GDAP1L1: variants seen among roughly 807,000 people sequenced by gnomAD.
The protein encoded by GDAP1L1 is ganglioside-induced differentiation-associated protein 1-like 1.
In GDAP1L1, 21 loss-of-function variants were observed where a neutral mutation model predicts 37.1. The observed-to-expected ratio is 0.57, with a 90% confidence interval of 0.40 to 0.81. GDAP1L1 has a LOEUF of 0.81. Ranked by LOEUF, GDAP1L1 falls within the 40% of genes least tolerant of loss-of-function variation. The pLI is 0.00. For missense variants in GDAP1L1, 362 were observed against 491.6 expected (o/e 0.74, Z 2.49); for synonymous variants, 193 against 209.1 (o/e 0.92, Z 0.67).
intron 1 of GDAP1L1, among the ~76,000 whole-genome samples, chr20:44,253,773 C>T (rs942330790): frequency 6.6e-6 from 1 of 152,228 alleles, no homozygotes; most frequent in Non-Finnish European, 1.5e-5. Flanking sequence ...ATGGCTCTGG[C>T]CTGTAGCTCA....
intron 3 of GDAP1L1, among the ~76,000 whole-genome samples, chr20:44,260,769 G>A (rs1196703642): frequency 6.6e-6 from 1 of 152,188 alleles, no homozygotes; most frequent in Admixed American, 6.5e-5. Context: ...TGTGGTGCAA[G>A]TGTAGCCCAA....
intron 5 of GDAP1L1, among the ~76,000 whole-genome samples, chr20:44,266,575 T>A (rs1266801107): frequency 6.6e-6 from 1 of 151,986 alleles, no homozygotes; most frequent in African/African-American, 2.4e-5. Flanking sequence ...AGAAACCTAT[T>A]GTCACACAGA....
At chr20:44,276,412 AAAAGAAAGAAAGAAAGAAAG>A (rs59432514) in intron 5 of GDAP1L1, among the ~76,000 whole-genome samples, 253 of 113,374 alleles carry the variant, frequency 2.2e-3, no homozygotes, top group African/African-American at 8.5e-3. Flanking sequence ...AGAAAAAAGA[AAAAGAAAGAAAGAAAGAAAG>A]AAAGAAAGAA....
chr20:44,272,569 T>C (rs1218715858), intron 5 of GDAP1L1, among the ~76,000 whole-genome samples: 4 of 152,066 alleles, frequency 2.6e-5, no homozygotes, highest in African/African-American at 9.7e-5. Context: ...CATTGTGAGA[T>C]CGCCTCCAGC....
chr20:44,273,296 C>T (rs1280096014), intron 5 of GDAP1L1, among the ~76,000 whole-genome samples: 1 of 152,216 alleles, frequency 6.6e-6, no homozygotes, highest in Non-Finnish European at 1.5e-5. Flanking sequence ...CGCCTCCTAT[C>T]TCTTGGGCTG....
intron 2 of GDAP1L1, chr20:44,258,198 T>C (rs1460788379): frequency 2.8e-6 from 2 of 717,950 alleles, no homozygotes; most frequent in Non-Finnish European, 5.2e-6. Flanking sequence ...GGACCCCGCC[T>C]GGCAGCAAGT....
chr20:44,264,434 C>A lies in GDAP1L1; in HGVS notation c.646-11C>A. 1.3e-6 allele frequency: 2 copies of A among 1,485,036 alleles called. No homozygotes were observed. The highest frequency in any genetic ancestry group is 2.9e-5 in the South Asian group (2 of 69,454). The allele number at this position is 1,485,036 out of a possible 1,614,324, so 92.0% of individuals were successfully genotyped here. A position where few individuals can be genotyped will look rare whatever the true frequency, so the allele number is the denominator to read the frequency against. On this transcript the variant is annotated splice_polypyrimidine_tract_variant and intron_variant, in intron 4 of 5. Coordinates refer to ENST00000342560, the MANE Select transcript of GDAP1L1 (RefSeq NM_024034.6). ...CCAACTCAGCTTCTCTTGGCCCTGT[C>A]CTGCCCCCAGGCCAAGATCTTGGAG...
chr20:44,257,374 A>C, intron 2 of GDAP1L1, 29 bp downstream of exon 2: 1 of 1,590,284 alleles, frequency 6.3e-7, no homozygotes. Flanking sequence ...CCAGGGGCCC[A>C]CTCCATACCA....
intron 1 of GDAP1L1, among the ~76,000 whole-genome samples, chr20:44,248,986 T>TG (rs1232845985): frequency 6.6e-6 from 1 of 152,090 alleles, no homozygotes; most frequent in Non-Finnish European, 1.5e-5. Flanking sequence ...AAAGTACTGA[T>TG]GATGGCAGTG....
Position 44,263,319 on chromosome 20 carries a change from A to C in GDAP1L1, c.637A>C (p.Lys213Gln), listed in dbSNP as rs2073706050. 6.2e-7 allele frequency: 1 copy of C among 1,613,090 alleles called. No individual in the cohort carries two copies. The highest frequency in any genetic ancestry group is 8.5e-7 in the Non-Finnish European group (1 of 1,179,096). ...LSEPYLSKQK[K>Q]LMAKILEHDD... ...CGAGCCCTACCTTTCTAAACAAAAG[A>C]AGCTCATGGTGAGTACCTCCCGGCC... is the stretch of plus-strand genomic sequence containing the variant. Residue 213 changes from lysine to glutamine, a missense_variant, in exon 4 of 6, where the codon AAG becomes CAG. Around this residue, in one of 2 missense-constraint regions of GDAP1L1, gnomAD observed 277 missense variants for 337.1 expected, o/e 0.82. Coordinates refer to ENST00000342560, the MANE Select transcript of GDAP1L1 (RefSeq NM_024034.6).
chr20:44,265,013 A>G (rs2073739424), intron 5 of GDAP1L1: 1 of 985,246 alleles, frequency 1.0e-6, no homozygotes, highest in African/African-American at 1.7e-5. Context: ...CCACAAGCAC[A>G]AGACCTTATG....
At chr20:44,276,412 A>AAAGAAAGAAAGAAAG (rs2062576459) in intron 5 of GDAP1L1, among the ~76,000 whole-genome samples, 48 of 113,394 alleles carry the variant, frequency 4.2e-4, no homozygotes, top group African/African-American at 1.5e-3. Context: ...AGAAAAAAGA[A>AAAGAAAGAAAGAAAG]AAAGAAAGAA....
At chr20:44,261,782 G>A (rs1028405627) in intron 3 of GDAP1L1, among the ~76,000 whole-genome samples, 1 of 152,210 alleles carries the variant, frequency 6.6e-6, no homozygotes, top group Non-Finnish European at 1.5e-5. Flanking sequence ...GTAAACTGGG[G>A]AACAAAGACA....
chr20:44,258,994 G>A (rs1408020523), intron 3 of GDAP1L1, among the ~76,000 whole-genome samples: 1 of 149,880 alleles, frequency 6.7e-6, no homozygotes, highest in Non-Finnish European at 1.5e-5. Context: ...CTATGGGGCT[G>A]TCTGTCCCCA....
At chr20:44,253,680 G>C (rs2073487103) in intron 1 of GDAP1L1, among the ~76,000 whole-genome samples, 1 of 152,224 alleles carries the variant, frequency 6.6e-6, no homozygotes, top group African/African-American at 2.4e-5. Flanking sequence ...AGGGGGCAGA[G>C]ATGGCAGATG....
chr20:44,259,312 T>C (rs548015346), intron 3 of GDAP1L1, among the ~76,000 whole-genome samples: 71 of 152,268 alleles, frequency 4.7e-4, no homozygotes, highest in Non-Finnish European at 8.7e-4. Context: ...ACAAACACCA[T>C]GGGGTCCTAC....
chr20:44,251,376 T>C (rs1049286252), intron 1 of GDAP1L1, among the ~76,000 whole-genome samples: 4 of 152,166 alleles, frequency 2.6e-5, no homozygotes, highest in African/African-American at 9.7e-5. Context: ...TGGATGTACC[T>C]CTGGAGGGCC....
intron 1 of GDAP1L1, among the ~76,000 whole-genome samples, chr20:44,251,145 G>A (rs529228166): frequency 2.6e-4 from 39 of 152,304 alleles, no homozygotes; most frequent in African/African-American, 9.4e-4. Context: ...GAGGGTACTG[G>A]GAGGTACTAG....
At chr20:44,247,595 G>A in intron 1 of GDAP1L1, 81 bp downstream of exon 1, 1 of 1,325,290 alleles carries the variant, frequency 7.5e-7, no homozygotes, top group Non-Finnish European at 1.0e-6. Flanking sequence ...GGATCTGAGG[G>A]CGGCGAAAGA....
Sources: gnomAD v4.1 joint callset for allele counts (sites outside exome capture counted in the v4.1 genomes callset) on GRCh38, gnomAD v4.1.1 for gene constraint, gnomAD v4.1.1 regional missense constraint, MANE v1.5 for transcripts, NCBI Gene and HGNC (gene_info 2026-07-23, HGNC 2026-07-21) for gene names.